SGCD: variants seen among roughly 807,000 people sequenced by gnomAD.
SGCD encodes sarcoglycan delta, also known as delta-sarcoglycan.
In SGCD, 18 loss-of-function variants were observed where a neutral mutation model predicts 36.6. The observed-to-expected ratio is 0.49, with a 90% CI of 0.34 to 0.73. The LOEUF (loss-of-function observed/expected upper bound fraction) is 0.73, where lower values mean the gene tolerates loss of function less well. Ranked by LOEUF, SGCD falls within the 30% of genes least tolerant of loss-of-function variation. SGCD has a pLI of 0.01. For missense variants in SGCD, 387 were observed against 346.7 expected (o/e 1.12, Z -0.92); for synonymous variants, 133 against 130.6 (o/e 1.02, Z -0.12).
At chr5:156,352,120 A>G (rs1178127079) in intron 3 of SGCD, among the ~76,000 whole-genome samples, 1 of 152,198 alleles carries the variant, frequency 6.6e-6, no homozygotes, top group Non-Finnish European at 1.5e-5. Context: ...AATCAGAATA[A>G]CCTGGCCTCA....
At chr5:156,444,117 C>CTCTCTCTCTCTCTCTCT (rs1561699488) in intron 3 of SGCD, among the ~76,000 whole-genome samples, 1 of 41,430 alleles carries the variant, frequency 2.4e-5, no homozygotes, top group African/African-American at 1.6e-4. Flanking sequence ...TCTCTCTCTC[C>CTCTCTCTCTCTCTCTCT]CCTTCCCTCT....
At chr5:156,034,207 G>A (rs1759432567) in intron 1 of SGCD, among the ~76,000 whole-genome samples, 1 of 152,174 alleles carries the variant, frequency 6.6e-6, no homozygotes, top group Admixed American at 6.5e-5. Flanking sequence ...AAGATATGCA[G>A]GTGTTTCCAG....
At chr5:156,536,307 T>C (rs970999469) in intron 4 of SGCD, among the ~76,000 whole-genome samples, 2 of 152,180 alleles carry the variant, frequency 1.3e-5, no homozygotes, top group African/African-American at 4.8e-5. Flanking sequence ...GTGGAGCAGC[T>C]GGAATTCAAA....
At chr5:155,844,475 T>C in the SGCD span, among the ~76,000 whole-genome samples, 5 of 147,522 alleles carry the variant, frequency 3.4e-5, 1 homozygote, top group African/African-American at 1.3e-4. Context: ...AGGCAGTTTA[T>C]CACGTTACAA....
intron 4 of SGCD, among the ~76,000 whole-genome samples, chr5:156,544,858 A>G (rs1289300053): frequency 1.3e-5 from 2 of 152,222 alleles, no homozygotes; most frequent in Non-Finnish European, 2.9e-5. Context: ...CTGGATGTTA[A>G]TAACATCATT....
chr5:155,874,203 T>C (rs1391684902), intron 1 of SGCD, among the ~76,000 whole-genome samples: 1 of 152,126 alleles, frequency 6.6e-6, no homozygotes, highest in African/African-American at 2.4e-5. Flanking sequence ...CTAACTCTAT[T>C]ACAGAGAACA....
chr5:156,468,240 C>T (rs1425628054), intron 3 of SGCD, among the ~76,000 whole-genome samples: 1 of 149,436 alleles, frequency 6.7e-6, no homozygotes, highest in Non-Finnish European at 1.5e-5. Flanking sequence ...ACTTGGGAGG[C>T]TAAGGTGGGA....
chr5:155,996,073 G>A lies in SGCD; in HGVS notation c.-281-121805G>A, dbSNP rs193194539. 2.0e-5 allele frequency among the ~76,000 whole-genome samples: 3 copies of A among 150,828 alleles called. No individual in the cohort carries two copies. In the East Asian group the frequency reaches 5.9e-4, roughly 29 times the overall value. ...TGGCATATGATTAGGTGTTGTTGAG[G>A]CTGGGTGAGAAGTCTATTGTACTGT... On this transcript the variant is annotated intron_variant, in intron 1 of 9. Coordinates refer to the SGCD transcript ENST00000517913.
At chr5:156,114,681 G>A (rs1215176478) in intron 1 of SGCD, among the ~76,000 whole-genome samples, 1 of 151,990 alleles carries the variant, frequency 6.6e-6, no homozygotes, top group African/African-American at 2.4e-5. Flanking sequence ...ATTTTTAACT[G>A]AATGATTAAG....
intron 3 of SGCD, among the ~76,000 whole-genome samples, chr5:156,388,594 A>G (rs780507596): frequency 7.2e-5 from 11 of 152,330 alleles, no homozygotes; most frequent in Middle Eastern, 3.4e-3. Context: ...GAAGACCCCA[A>G]AGTGCCAGAG....
intron 4 of SGCD, among the ~76,000 whole-genome samples, chr5:156,578,160 T>A (rs942665288): frequency 6.6e-6 from 1 of 152,228 alleles, no homozygotes; most frequent in Non-Finnish European, 1.5e-5. Context: ...TTCCTGCATC[T>A]ATTGAGATAA....
At chr5:156,125,852 T>C (rs1762158086) in intron 3 of SGCD, among the ~76,000 whole-genome samples, 1 of 137,784 alleles carries the variant, frequency 7.3e-6, no homozygotes, top group South Asian at 2.3e-4. Flanking sequence ...ATTATTATTA[T>C]TATTATTATT....
chr5:156,437,060 G>A (rs532893157), intron 3 of SGCD, among the ~76,000 whole-genome samples: 12 of 152,054 alleles, frequency 7.9e-5, no homozygotes, highest in South Asian at 2.1e-4. Flanking sequence ...TTGTTGCTAC[G>A]TTCAAATACC....
intron 3 of SGCD, among the ~76,000 whole-genome samples, chr5:156,429,265 C>CTT (rs3074973): frequency 0.19 from 23,571 of 123,480 alleles, 2,178 homozygotes; most frequent in Middle Eastern, 0.29. Flanking sequence ...CCCTCATTGT[C>CTT]TTTTTTTTTT....
the SGCD span, among the ~76,000 whole-genome samples, chr5:155,774,308 C>A: frequency 6.6e-6 from 1 of 152,058 alleles, no homozygotes; most frequent in South Asian, 2.1e-4. Context: ...TGGAGCTCTG[C>A]CGGGGTACTT....
chr5:155,772,264 A>T, the SGCD span, among the ~76,000 whole-genome samples: 1 of 152,188 alleles, frequency 6.6e-6, no homozygotes, highest in Admixed American at 6.5e-5. Context: ...AAAGCAACAA[A>T]TGTTGGCCCT....
At chr5:155,973,993 A>T (rs180707935) in intron 1 of SGCD, among the ~76,000 whole-genome samples, 2 of 152,286 alleles carry the variant, frequency 1.3e-5, no homozygotes, top group Admixed American at 1.3e-4. Context: ...ACTGAGTAAA[A>T]CTGCCATTAA....
intron 7 of SGCD, among the ~76,000 whole-genome samples, chr5:156,703,542 C>CTGAT (rs1754613567): frequency 6.6e-6 from 1 of 152,016 alleles, no homozygotes; most frequent in African/African-American, 2.4e-5. Flanking sequence ...GATGTGAAAA[C>CTGAT]TGATTGAAAT....
chr5:156,177,233 C>G (rs1229474493), intron 3 of SGCD, among the ~76,000 whole-genome samples: 1 of 152,052 alleles, frequency 6.6e-6, no homozygotes, highest in African/African-American at 2.4e-5. Flanking sequence ...ATCTCTTGAC[C>G]TCGTGATCCA....
Sources: allele counts gnomAD v4.1 joint callset (sites outside exome capture counted in the v4.1 genomes callset), GRCh38; gene constraint gnomAD v4.1.1; transcripts MANE v1.5; gene names NCBI Gene and HGNC (gene_info 2026-07-23, HGNC 2026-07-21).